Variants in FLT3 observed in about 807,000 individuals in gnomAD.
FLT3 encodes fms related receptor tyrosine kinase 3.
Under a neutral mutation model 126.6 loss-of-function variants are expected in FLT3, and 46 were observed. The ratio of observed to expected loss-of-function variants is 0.36; its 90% CI spans 0.29 to 0.46. The LOEUF is 0.46. Among genes scored for constraint, FLT3 ranks in the 20% least tolerant of loss-of-function variants. FLT3 has a pLI of 1.00. For synonymous variants in FLT3, 404 were observed against 434.4 expected (o/e 0.93, Z 0.87); for missense variants, 1,069 against 1,190.3 (o/e 0.90, Z 1.50).
chr13:28,017,790 G>A (rs536683266), intron 20 of FLT3, among the ~76,000 whole-genome samples: 11 of 150,622 alleles, frequency 7.3e-5, no homozygotes, highest in South Asian at 2.2e-4. Flanking sequence ...TCAGCCTCCC[G>A]AATAGTTGGG....
chr13:28,018,744 C>T (rs978375136), intron 19 of FLT3, among the ~76,000 whole-genome samples, 155 bp from the exon 20 acceptor site: 1 of 152,186 alleles, frequency 6.6e-6, no homozygotes, highest in Non-Finnish European at 1.5e-5. Context: ...TGATGTGCAA[C>T]AAACAAAGTG....
intron 2 of FLT3, among the ~76,000 whole-genome samples, chr13:28,066,279 A>G (rs1234684833): frequency 2.6e-5 from 4 of 152,200 alleles, no homozygotes; most frequent in African/African-American, 9.7e-5. Flanking sequence ...TTATCTATAT[A>G]TTGTATTTCC....
In FLT3 at chr13:28,028,192, G is replaced by A. The variant is rs372303125; in HGVS notation, c.2039C>T (p.Ala680Val). ...SHENIVNLLG[A>V]CTLSGPIYLI... The stretch of plus-strand genomic sequence containing the variant: ...AAGTGGGTTACCTGACAGTGTGCAC[G>A]CCCCCAGCAGGTTCACAATATTCTC... The change falls in exon 16 of 24, where the codon GCG (alanine) becomes GTG (valine). Residue 680 changes from alanine to valine, a missense_variant. Physicochemically the swap from Ala to Val is moderately conservative, Grantham distance 64 (BLOSUM62 0). Transcript: ENST00000241453. 101 of 1,588,266 alleles carry A rather than the reference G, an allele frequency of 6.4e-5. No individual in the cohort carries two copies. Among genetic ancestry groups the A allele is most frequent in the Non-Finnish European group, 7.5e-5 (87 of 1,156,712 alleles).
At chr13:28,018,394 T>C (rs1207989351) in intron 20 of FLT3, 73 bp downstream of exon 20, 6 of 1,545,522 alleles carry the variant, frequency 3.9e-6, no homozygotes, top group East Asian at 2.3e-5. Context: ...CCACAGTGAG[T>C]GCAGTTGTTT....
intron 19 of FLT3, among the ~76,000 whole-genome samples, chr13:28,019,550 C>T (rs528624614): frequency 2.0e-5 from 3 of 152,308 alleles, no homozygotes; most frequent in African/African-American, 7.2e-5. Flanking sequence ...TGAACACTGG[C>T]AGCCCTGTGC....
chr13:28,080,098 G>C (rs1472613971), intron 1 of FLT3, among the ~76,000 whole-genome samples: 2 of 152,192 alleles, frequency 1.3e-5, no homozygotes, highest in African/African-American at 2.4e-5. Flanking sequence ...GGATCTGGCC[G>C]GGCACGGTGG....
At chr13:28,047,943 G>C (rs77886845) in intron 9 of FLT3, among the ~76,000 whole-genome samples, 1 of 151,918 alleles carries the variant, frequency 6.6e-6, no homozygotes, top group Non-Finnish European at 1.5e-5. Flanking sequence ...AAATGTTTTA[G>C]GGGAGACTCA....
intron 2 of FLT3, among the ~76,000 whole-genome samples, chr13:28,062,820 A>G (rs1876692294): frequency 6.6e-6 from 1 of 151,726 alleles, no homozygotes; most frequent in East Asian, 1.9e-4. Context: ...AAAGACAGCC[A>G]TCTTCCAACC....
intron 15 of FLT3, among the ~76,000 whole-genome samples, chr13:28,032,384 C>T (rs6491247): frequency 0.32 from 48,377 of 152,114 alleles, 8,893 homozygotes; most frequent in African/African-American, 0.5. Flanking sequence ...GGAGCAAGCC[C>T]ACAGGGATGC....
At chr13:28,034,278 T>C in intron 13 of FLT3, 23 bp downstream of exon 13, 1 of 1,612,850 alleles carries the variant, frequency 6.2e-7, no homozygotes, top group Non-Finnish European at 8.5e-7. Context: ...GAAAGAATAA[T>C]GAATTTTTAC....
At chr13:28,088,592 T>A (rs1312933718) in intron 1 of FLT3, among the ~76,000 whole-genome samples, 1 of 144,668 alleles carries the variant, frequency 6.9e-6, no homozygotes, top group Non-Finnish European at 1.5e-5. Context: ...ACCTTTTTTT[T>A]TTTTTTTTTT....
intron 20 of FLT3, among the ~76,000 whole-genome samples, chr13:28,017,562 C>A (rs1223675356): frequency 6.6e-6 from 1 of 152,044 alleles, no homozygotes; most frequent in East Asian, 1.9e-4. Flanking sequence ...ACATTTTCAA[C>A]TACACAATTT....
intron 1 of FLT3, among the ~76,000 whole-genome samples, chr13:28,087,821 A>C (rs1038082635): frequency 3.1e-4 from 47 of 152,156 alleles, no homozygotes; most frequent in African/African-American, 1.1e-3. Context: ...TCTCCAGTGT[A>C]ATTGAGTTTT....
At chr13:28,048,504 G>A in intron 8 of FLT3, 61 bp from the exon 9 acceptor site, 1 of 1,138,784 alleles carries the variant, frequency 8.8e-7, no homozygotes, top group East Asian at 2.4e-5. Context: ...AACGTATTGA[G>A]AAGATAAAAT....
At chr13:28,071,033 C>T (rs150713334) in intron 1 of FLT3, among the ~76,000 whole-genome samples, 2,294 of 115,368 alleles carry the variant, frequency 0.02, 78 homozygotes, top group African/African-American at 0.069. Context: ...CTCGCTCTGT[C>T]GCCCAGGCTG....
chr13:28,055,788 AG>A (rs1268112601), intron 4 of FLT3, among the ~76,000 whole-genome samples: 1 of 152,222 alleles, frequency 6.6e-6, no homozygotes, highest in Non-Finnish European at 1.5e-5. Flanking sequence ...AAATTTTAAA[AG>A]GAGAGAAAAA....
intron 9 of FLT3, among the ~76,000 whole-genome samples, chr13:28,040,251 G>T (rs1874226050): frequency 6.6e-6 from 1 of 152,190 alleles, no homozygotes; most frequent in African/African-American, 2.4e-5. Context: ...TGTGATAGGA[G>T]AAGTAAAAGT....
At chr13:28,052,981 G>A (rs1875669383) in intron 4 of FLT3, among the ~76,000 whole-genome samples, 1 of 152,074 alleles carries the variant, frequency 6.6e-6, no homozygotes, top group Non-Finnish European at 1.5e-5. Context: ...ACAGGAAAAA[G>A]GAAATTAGCA....
intron 1 of FLT3, among the ~76,000 whole-genome samples, chr13:28,097,436 C>T (rs1052650204): frequency 6.6e-5 from 10 of 151,550 alleles, no homozygotes; most frequent in African/African-American, 2.4e-4. Flanking sequence ...GTTTAAACAA[C>T]AGGAGAATCC....
Sources: allele counts gnomAD v4.1 joint callset (sites outside exome capture counted in the v4.1 genomes callset), GRCh38; gene constraint gnomAD v4.1.1; transcripts MANE v1.5; gene names NCBI Gene and HGNC (gene_info 2026-07-23, HGNC 2026-07-21).